CRPPA: variants seen among roughly 807,000 people sequenced by gnomAD.
The protein encoded by CRPPA is D-ribitol-5-phosphate cytidylyltransferase.
Under a neutral mutation model 52.0 loss-of-function variants are expected in CRPPA, and 43 were observed. The observed-to-expected ratio is 0.83, with a 90% CI of 0.65 to 1.07. The LOEUF is 1.07. Among genes scored for constraint, CRPPA ranks in the 50% least tolerant of loss-of-function variants. CRPPA has a pLI of 0.00. For missense variants in CRPPA, 629 were observed against 551.7 expected (o/e 1.14, Z -1.40); for synonymous variants, 250 against 203.5 (o/e 1.23, Z -1.94).
chr7:16,400,783 T>C (rs1787796235), intron 2 of CRPPA, among the ~76,000 whole-genome samples: 1 of 152,244 alleles, frequency 6.6e-6, no homozygotes, highest in African/African-American at 2.4e-5. Context: ...CGTGGACACA[T>C]GCCCAACATA....
chr7:16,170,994 C>T (rs1781172624), intron 9 of CRPPA, among the ~76,000 whole-genome samples: 1 of 152,218 alleles, frequency 6.6e-6, no homozygotes, highest in South Asian at 2.1e-4. Context: ...CGGCTCCAGC[C>T]TTAGCCAGCC....
intron 9 of CRPPA, among the ~76,000 whole-genome samples, chr7:16,162,608 A>G (rs139906888): frequency 0.038 from 5,767 of 152,258 alleles, 341 homozygotes; most frequent in East Asian, 0.3. Flanking sequence ...TATGTGGTCA[A>G]TTTTAGAATA....
chr7:16,203,913 C>T (rs1464455691), intron 9 of CRPPA, among the ~76,000 whole-genome samples: 1 of 152,076 alleles, frequency 6.6e-6, no homozygotes, highest in East Asian at 1.9e-4. Flanking sequence ...TACTGGAATC[C>T]ATATAGCAAC....
At chr7:16,230,745 A>G (rs890838083) in intron 8 of CRPPA, among the ~76,000 whole-genome samples, 2 of 152,162 alleles carry the variant, frequency 1.3e-5, no homozygotes, top group African/African-American at 2.4e-5. Context: ...ACATTTGAAG[A>G]AGTAGATACT....
At chr7:16,373,893 T>C (rs2128311608) in intron 3 of CRPPA, among the ~76,000 whole-genome samples, 1 of 152,304 alleles carries the variant, frequency 6.6e-6, no homozygotes, top group East Asian at 1.9e-4. Context: ...GGAAGAGTTA[T>C]CTATAACCTA....
chr7:16,303,995 G>C (rs1024767319), intron 4 of CRPPA, among the ~76,000 whole-genome samples: 1 of 152,096 alleles, frequency 6.6e-6, no homozygotes, highest in Non-Finnish European at 1.5e-5. Flanking sequence ...AATCTTGTAT[G>C]GCTTGAAGAT....
At chr7:16,170,923 G>A (rs1044934667) in intron 9 of CRPPA, among the ~76,000 whole-genome samples, 45 of 152,188 alleles carry the variant, frequency 3.0e-4, no homozygotes, top group Non-Finnish European at 4.1e-4. Context: ...CGAGCGCCCC[G>A]CTTAGCCCCG....
chr7:16,232,041 G>A (rs1782811956), intron 8 of CRPPA, among the ~76,000 whole-genome samples: 1 of 152,136 alleles, frequency 6.6e-6, no homozygotes, highest in African/African-American at 2.4e-5. Context: ...AGAGAGGAGA[G>A]AGCTTCACAG....
intron 2 of CRPPA, among the ~76,000 whole-genome samples, chr7:16,386,000 C>T (rs1044033703): frequency 5.3e-5 from 8 of 152,230 alleles, no homozygotes; most frequent in African/African-American, 1.9e-4. Flanking sequence ...CTGCCGTCCA[C>T]AGACAGCTTA....
chr7:16,379,229 T>C (rs1430606726), intron 2 of CRPPA, among the ~76,000 whole-genome samples: 1 of 152,230 alleles, frequency 6.6e-6, no homozygotes, highest in Non-Finnish European at 1.5e-5. Flanking sequence ...TCTAGGGTTT[T>C]TATGGTTTTA....
chr7:16,206,745 A>G (rs1781982214), intron 9 of CRPPA, among the ~76,000 whole-genome samples: 2 of 152,288 alleles, frequency 1.3e-5, no homozygotes, highest in South Asian at 4.1e-4. Context: ...TGATAAAAGC[A>G]TAACAATCAT....
chr7:16,397,366 T>G (rs1282360955), intron 2 of CRPPA, among the ~76,000 whole-genome samples: 1 of 152,102 alleles, frequency 6.6e-6, no homozygotes, highest in Non-Finnish European at 1.5e-5. Context: ...GACTGACGTG[T>G]GTAACACGTG....
chr7:16,171,467 G>T (rs990712294), intron 9 of CRPPA, among the ~76,000 whole-genome samples: 6 of 152,012 alleles, frequency 3.9e-5, no homozygotes, highest in Admixed American at 1.3e-4. Context: ...TTAGAACAAA[G>T]AATGCATTTT....
At chr7:16,107,203 A>G (rs773485324) in intron 9 of CRPPA, among the ~76,000 whole-genome samples, 1 of 152,146 alleles carries the variant, frequency 6.6e-6, no homozygotes, top group Non-Finnish European at 1.5e-5. Flanking sequence ...AAACAAAAAC[A>G]TCTTCAAAGA....
At chr7:16,164,536 G>A (rs1781005023) in intron 9 of CRPPA, among the ~76,000 whole-genome samples, 1 of 152,184 alleles carries the variant, frequency 6.6e-6, no homozygotes, top group South Asian at 2.1e-4. Flanking sequence ...TCTCCGTCCA[G>A]TTTTGTTCCC....
At chr7:16,168,202 TG>T (rs957030833) in intron 9 of CRPPA, among the ~76,000 whole-genome samples, 1 of 152,224 alleles carries the variant, frequency 6.6e-6, no homozygotes, top group Admixed American at 6.5e-5. Flanking sequence ...TTCCTTTGTG[TG>T]AACTGGCTAA....
chr7:16,210,336 A>C (rs1782098341), intron 9 of CRPPA, among the ~76,000 whole-genome samples: 1 of 152,204 alleles, frequency 6.6e-6, no homozygotes, highest in Non-Finnish European at 1.5e-5. Flanking sequence ...TCCCAATGAT[A>C]ACCCTTGTGT....
intron 9 of CRPPA, among the ~76,000 whole-genome samples, chr7:16,171,152 A>T (rs1414400291): frequency 6.6e-6 from 1 of 152,232 alleles, no homozygotes; most frequent in Non-Finnish European, 1.5e-5. Flanking sequence ...AAATTATTAA[A>T]GGATAGATTT....
At chr7:16,106,764 A>C (rs1360015302) in intron 9 of CRPPA, among the ~76,000 whole-genome samples, 1 of 152,184 alleles carries the variant, frequency 6.6e-6, no homozygotes, top group Non-Finnish European at 1.5e-5. Flanking sequence ...CCTCTAAAAG[A>C]AAGTAATAAA....
Sources: allele counts gnomAD v4.1 joint callset (sites outside exome capture counted in the v4.1 genomes callset), GRCh38; gene constraint gnomAD v4.1.1; transcripts MANE v1.5; gene names NCBI Gene and HGNC (gene_info 2026-07-23, HGNC 2026-07-21).